The following CSMD1 variants were observed in gnomAD, a reference collection of about 807,000 sequenced individuals.
CSMD1 encodes CUB and Sushi multiple domains 1, also known as CUB and sushi domain-containing protein 1.
CSMD1 carries 213 observed loss-of-function variants against 417.5 expected under a neutral mutation model. The ratio of observed to expected loss-of-function variants is 0.51; its 90% CI spans 0.46 to 0.57. The LOEUF (loss-of-function observed/expected upper bound fraction) is 0.57. Among genes scored for constraint, CSMD1 ranks in the 20% least tolerant of loss-of-function variants. CSMD1 has a pLI of 0.00. For missense variants in CSMD1, 6,923 were observed against 4,529.7 expected (o/e 1.53, Z -15.17); for synonymous variants, 2,862 against 1,736.8 (o/e 1.65, Z -16.11).
intron 1 of CSMD1, among the ~76,000 whole-genome samples, chr8:4,887,696 T>A (rs190482958): frequency 2.0e-5 from 3 of 152,190 alleles, no homozygotes; most frequent in Admixed American, 2.0e-4. Context: ...TTTATTTGCT[T>A]TATTTGCTTT....
intron 7 of CSMD1, among the ~76,000 whole-genome samples, chr8:3,646,776 G>A (rs759501394): frequency 1.3e-5 from 2 of 152,032 alleles, no homozygotes; most frequent in Admixed American, 6.6e-5. Context: ...AACCACCAGG[G>A]GCATCCGTCC....
intron 23 of CSMD1, among the ~76,000 whole-genome samples, chr8:3,329,722 G>A (rs1806772220): frequency 6.6e-6 from 1 of 152,178 alleles, no homozygotes; most frequent in African/African-American, 2.4e-5. Context: ...CAGGACCAGT[G>A]CTAACTGAAG....
At chr8:4,709,740 G>A (rs745531037) in intron 1 of CSMD1, among the ~76,000 whole-genome samples, 1 of 152,226 alleles carries the variant, frequency 6.6e-6, no homozygotes, top group Non-Finnish European at 1.5e-5. Flanking sequence ...GCTGGGTGCA[G>A]GTGAGCTCCA....
chr8:3,725,092 C>T (rs570398162), intron 6 of CSMD1, among the ~76,000 whole-genome samples: 3 of 152,152 alleles, frequency 2.0e-5, no homozygotes, highest in East Asian at 3.9e-4. Flanking sequence ...CTCAGCATAG[C>T]GGTTTGGAAG....
At chr8:3,224,647 T>A (rs1395054139) in intron 27 of CSMD1, among the ~76,000 whole-genome samples, 1 of 152,232 alleles carries the variant, frequency 6.6e-6, no homozygotes, top group Non-Finnish European at 1.5e-5. Flanking sequence ...AACCACTTTA[T>A]ATGATAATAA....
rs545481525 is a variant in CSMD1, at chr8:3,588,952, A to G, written c.1098-2692T>C. ...TAGACATTTCTTTAAAGAAGACATA[A>G]AAACGACCAACAGGTATATGGAAAG... On this transcript the variant is annotated intron_variant, in intron 8 of 69. Transcript: ENST00000635120. 3.9e-5 allele frequency among the ~76,000 whole-genome samples: 6 copies of G among 152,162 alleles called. No homozygotes were observed. The East Asian group carries it at 1.2e-3, about 29-fold the overall frequency.
At chr8:4,067,692 T>G (rs1024398003) in intron 3 of CSMD1, among the ~76,000 whole-genome samples, 16 of 152,202 alleles carry the variant, frequency 1.1e-4, no homozygotes, top group African/African-American at 3.6e-4. Flanking sequence ...TCCTGTGGAA[T>G]ATTAAACTTT....
intron 26 of CSMD1, among the ~76,000 whole-genome samples, chr8:3,244,754 A>G (rs572420174): frequency 1.3e-5 from 2 of 152,326 alleles, no homozygotes; most frequent in East Asian, 3.9e-4. Flanking sequence ...TGGGAGGGAT[A>G]TAAAGTAATA....
At chr8:4,749,760 C>G (rs1242626140) in intron 1 of CSMD1, among the ~76,000 whole-genome samples, 2 of 152,070 alleles carry the variant, frequency 1.3e-5, no homozygotes, top group Admixed American at 6.5e-5. Context: ...TATACACCAT[C>G]TAGATGCATT....
At chr8:3,865,361 T>A (rs536088189) in intron 5 of CSMD1, among the ~76,000 whole-genome samples, 80 of 152,308 alleles carry the variant, frequency 5.3e-4, no homozygotes, top group Middle Eastern at 3.4e-3. Flanking sequence ...GGTATGAAAC[T>A]GGGTTTGCAA....
At chr8:3,128,865 G>A in intron 41 of CSMD1, 2 of 455,350 alleles carry the variant, frequency 4.4e-6, no homozygotes, top group Non-Finnish European at 8.8e-6. Context: ...GGGGTGTCAA[G>A]ACATGGGAAA....
chr8:4,918,755 T>G (rs1346149398), intron 1 of CSMD1, among the ~76,000 whole-genome samples: 1 of 152,220 alleles, frequency 6.6e-6, no homozygotes, highest in African/African-American at 2.4e-5. Context: ...CACACATATA[T>G]GCAGGTATGT....
At chr8:3,995,197 G>A (rs140879064) in intron 5 of CSMD1, among the ~76,000 whole-genome samples, 34 of 152,112 alleles carry the variant, frequency 2.2e-4, no homozygotes, top group Non-Finnish European at 4.4e-4. Context: ...AAATTATTCT[G>A]TTTTATGTTT....
At chr8:4,595,388 A>ATTATACTCTAAGT (rs1365144239) in intron 2 of CSMD1, among the ~76,000 whole-genome samples, 6 of 70,118 alleles carry the variant, frequency 8.6e-5, no homozygotes, top group East Asian at 5.3e-4. Context: ...ATTCATTTTC[A>ATTATACTCTAAGT]TTCCATCCAT....
At chr8:3,781,143 A>C (rs1245070183) in intron 5 of CSMD1, among the ~76,000 whole-genome samples, 2 of 152,218 alleles carry the variant, frequency 1.3e-5, no homozygotes, top group South Asian at 2.1e-4. Flanking sequence ...GTTCATGATC[A>C]AGGTTGTCCA....
chr8:3,241,279 G>C (rs544559628), intron 26 of CSMD1, among the ~76,000 whole-genome samples: 4 of 150,726 alleles, frequency 2.7e-5, no homozygotes, highest in African/African-American at 7.3e-5. Context: ...AGTTTTAAGA[G>C]GTTTAGAAGC....
At chr8:3,670,292 C>T (rs1798921278) in intron 7 of CSMD1, among the ~76,000 whole-genome samples, 1 of 151,950 alleles carries the variant, frequency 6.6e-6, no homozygotes, top group African/African-American at 2.4e-5. Flanking sequence ...CATCCTTCTC[C>T]TGTGCCGGAT....
intron 7 of CSMD1, among the ~76,000 whole-genome samples, chr8:3,675,760 G>C (rs915411330): frequency 7.2e-5 from 11 of 152,028 alleles, no homozygotes; most frequent in African/African-American, 2.4e-4. Flanking sequence ...AAAACTGTGA[G>C]AAATATATGT....
chr8:3,558,339 ACCC>A (rs1457812543), intron 10 of CSMD1, among the ~76,000 whole-genome samples: 1 of 125,176 alleles, frequency 8.0e-6, no homozygotes, highest in East Asian at 2.2e-4. Flanking sequence ...CCTCAGTAGT[ACCC>A]CGTGTCCACT....
Sources: allele counts gnomAD v4.1 joint callset (sites outside exome capture counted in the v4.1 genomes callset), GRCh38; gene constraint gnomAD v4.1.1; transcripts MANE v1.5; gene names NCBI Gene and HGNC (gene_info 2026-07-23, HGNC 2026-07-21).